HECW1: variants seen among roughly 807,000 people sequenced by gnomAD.
The protein encoded by HECW1 is E3 ubiquitin-protein ligase HECW1.
Under a neutral mutation model 182.3 loss-of-function variants are expected in HECW1, and 61 were observed. That is an observed-to-expected ratio of 0.33 (90% CI 0.27 to 0.41). The LOEUF is 0.41. Among genes scored for constraint, HECW1 ranks in the 10% least tolerant of loss-of-function variants. The pLI, the probability that HECW1 is intolerant of heterozygous loss-of-function variation, is 1.00. For synonymous variants in HECW1, 859 were observed against 832.6 expected (o/e 1.03, Z -0.55); for missense variants, 1,739 against 2,108.9 (o/e 0.82, Z 3.44).
At chr7:43,559,158 A>G (rs1239684810) in intron 29 of HECW1, among the ~76,000 whole-genome samples, 2 of 152,186 alleles carry the variant, frequency 1.3e-5, no homozygotes, top group Non-Finnish European at 2.9e-5. Flanking sequence ...GGAAAAATAG[A>G]GGAGACGGGG....
At chr7:43,510,908 C>T (rs1455236285) in intron 24 of HECW1, 1 of 152,234 alleles carries the variant, frequency 6.6e-6, no homozygotes, top group Non-Finnish European at 1.5e-5. Context: ...CTTGGCTGGA[C>T]TACCTGTTAA....
rs1159105086 is a variant in HECW1 at position 43,432,015 on chromosome 7, GATGGGGGTTTC to G, written c.802-5986_802-5976del. ...GCTAATTTTTGTAGTTTTTAGTAGA[GATGGGGGTTTC>G]ACCATCTTGGCCAGGCTTGTCTTGA... is the stretch of plus-strand genomic sequence containing the variant. On this transcript the variant is annotated intron_variant, in intron 8 of 29. Coordinates refer to ENST00000395891, the MANE Select transcript of HECW1 (RefSeq NM_015052.5). This position sits in a 1 kb window ranked among gnomAD's most constrained non-coding sequence, Gnocchi z 4.1. Among the ~76,000 whole-genome samples the G allele has an allele frequency of 6.6e-6, 1 of 152,000 alleles. No homozygotes were observed. Among genetic ancestry groups the G allele is most frequent in the African/African-American group, 2.4e-5 (1 of 41,382 alleles).
chr7:43,247,351 C>T (rs963741454), intron 3 of HECW1, among the ~76,000 whole-genome samples: 1 of 152,160 alleles, frequency 6.6e-6, no homozygotes, highest in East Asian at 1.9e-4. Context: ...CTTCTCATGT[C>T]GAAAGTGAAG....
rs140235511 is a variant in HECW1, at chr7:43,504,739, C to T, written c.3632-2398C>T. Among the ~76,000 whole-genome samples the T allele has an allele frequency of 6.9e-3, 1,056 of 152,342 alleles. 13 individuals carry two copies. Among genetic ancestry groups the T allele is most frequent in the African/African-American group, 0.023 (964 of 41,578 alleles). ...TTATTTCAAACATTTCCCCTAAAGC[C>T]TCCAACCCTCAGCACCCTTCCTCTC... On this transcript the variant is annotated intron_variant, in intron 21 of 29. Coordinates refer to ENST00000395891, the MANE Select transcript of HECW1 (RefSeq NM_015052.5).
chr7:43,182,899 C>T (rs1331197437), intron 2 of HECW1, among the ~76,000 whole-genome samples: 1 of 150,896 alleles, frequency 6.6e-6, no homozygotes, highest in Non-Finnish European at 1.5e-5. Flanking sequence ...CTTTCACTTC[C>T]TTGGTTAAAT....
In HECW1 at chr7:43,113,949, G is replaced by A. The variant is rs56200413; in HGVS notation, c.-266-208G>A. 1,923 of 278,576 alleles carry A rather than the reference G, an allele frequency of 6.9e-3. 28 individuals carry two copies. The highest frequency in any genetic ancestry group is 0.037 in the African/African-American group (1,712 of 46,230). The allele number at this position is 278,576 out of a possible 1,614,324, so 17.3% of individuals were successfully genotyped here. A position where few individuals can be genotyped will look rare whatever the true frequency, so the allele number is the denominator to read the frequency against. On this transcript the variant is annotated intron_variant, in intron 1 of 29. Coordinates refer to ENST00000395891, the MANE Select transcript of HECW1 (RefSeq NM_015052.5). ...TTCAGCGCGTAGGGGGAGCTGGCAG[G>A]GACACAGGCTGCAGAGATGCCCGGC...
chr7:43,165,454 G>A (rs1177535256), intron 2 of HECW1, among the ~76,000 whole-genome samples: 3 of 151,854 alleles, frequency 2.0e-5, no homozygotes, highest in Non-Finnish European at 4.4e-5. Flanking sequence ...GAATACAACA[G>A]CCTCTAATGA....
At chr7:43,531,887 C>T (rs1021903168) in intron 24 of HECW1, among the ~76,000 whole-genome samples, 3 of 152,320 alleles carry the variant, frequency 2.0e-5, no homozygotes, top group Admixed American at 2.0e-4. Flanking sequence ...GGGTCCGCCT[C>T]TCCATCTGCA....
chr7:43,451,470 T>C (rs1306293270), intron 12 of HECW1, among the ~76,000 whole-genome samples: 1 of 152,226 alleles, frequency 6.6e-6, no homozygotes, highest in Non-Finnish European at 1.5e-5. Flanking sequence ...ATCTTTAAGA[T>C]AGAATTCAAT....
At chr7:43,501,947 C>A (rs1330216650) in intron 21 of HECW1, among the ~76,000 whole-genome samples, 1 of 152,132 alleles carries the variant, frequency 6.6e-6, no homozygotes, top group East Asian at 1.9e-4. Flanking sequence ...TGTAATTGGA[C>A]CTCAGCCATG....
intron 12 of HECW1, among the ~76,000 whole-genome samples, chr7:43,453,805 T>C (rs1159721304): frequency 6.6e-6 from 1 of 152,230 alleles, no homozygotes; most frequent in Non-Finnish European, 1.5e-5. Context: ...GGTGGCTCTT[T>C]AGACAAACCC....
At chr7:43,424,949 T>A (rs2076308768) in intron 8 of HECW1, among the ~76,000 whole-genome samples, 1 of 152,146 alleles carries the variant, frequency 6.6e-6, no homozygotes, top group Non-Finnish European at 1.5e-5. Context: ...CATCCTTGAC[T>A]AAGAGAACAT....
chr7:43,526,136 T>C (rs1338815249), intron 24 of HECW1, among the ~76,000 whole-genome samples: 1 of 152,220 alleles, frequency 6.6e-6, no homozygotes, highest in East Asian at 1.9e-4. Context: ...CAGAACCAAT[T>C]ACTTAAATAG....
At chr7:43,156,176 A>C (rs183758891) in intron 2 of HECW1, among the ~76,000 whole-genome samples, 67 of 152,388 alleles carry the variant, frequency 4.4e-4, no homozygotes, top group Non-Finnish European at 2.1e-4. Flanking sequence ...AATATCTTGT[A>C]CATGAAAGAC....
At chr7:43,538,354 G>C (rs912683594) in intron 24 of HECW1, among the ~76,000 whole-genome samples, 1 of 152,214 alleles carries the variant, frequency 6.6e-6, no homozygotes, top group Non-Finnish European at 1.5e-5. Context: ...TGTGGCCTTA[G>C]AGGGCTTAAG....
chr7:43,387,177 A>G (rs1023406004), intron 6 of HECW1, among the ~76,000 whole-genome samples: 1 of 151,584 alleles, frequency 6.6e-6, no homozygotes, highest in Admixed American at 6.6e-5. Context: ...CCCACCACCA[A>G]TCCCATTGTT....
chr7:43,142,459 C>G (rs1162952532), intron 2 of HECW1, among the ~76,000 whole-genome samples: 1 of 152,120 alleles, frequency 6.6e-6, no homozygotes, highest in Non-Finnish European at 1.5e-5. Context: ...GTTACCTCCT[C>G]CCTTCCGAGG....
chr7:43,126,048 G>T (rs10274944), intron 2 of HECW1, among the ~76,000 whole-genome samples: 1 of 144,036 alleles, frequency 6.9e-6, no homozygotes, highest in South Asian at 2.2e-4. Context: ...AGGCGTGCGT[G>T]TATATGAGTT....
chr7:43,350,721 T>C (rs531554475), intron 5 of HECW1, among the ~76,000 whole-genome samples: 1 of 152,228 alleles, frequency 6.6e-6, no homozygotes, highest in Non-Finnish European at 1.5e-5. Flanking sequence ...TTGTTTATTG[T>C]TTTTTTCTTT....
Sources: gnomAD v4.1 joint callset for allele counts (sites outside exome capture counted in the v4.1 genomes callset) on GRCh38, gnomAD v4.1.1 for gene constraint, Gnocchi (gnomAD v3.1) non-coding constraint, MANE v1.5 for transcripts, NCBI Gene and HGNC (gene_info 2026-07-23, HGNC 2026-07-21) for gene names.